Variants in MSI2 observed in about 807,000 individuals in gnomAD.
MSI2 encodes RNA-binding protein Musashi homolog 2.
In MSI2, 17 loss-of-function variants were observed where a neutral mutation model predicts 45.6. The observed-to-expected ratio is 0.37, with a 90% CI of 0.26 to 0.56. The LOEUF (loss-of-function observed/expected upper bound fraction) is 0.56, where lower values mean the gene tolerates loss of function less well. MSI2 is among the 20% of genes least tolerant of loss of function. MSI2 has a pLI of 0.77. For synonymous variants in MSI2, 156 were observed against 158.2 expected (o/e 0.99, Z 0.11); for missense variants, 293 against 444.2 (o/e 0.66, Z 3.06).
intron 12 of MSI2, among the ~76,000 whole-genome samples, chr17:57,675,973 G>A (rs1913201760): frequency 1.3e-5 from 2 of 151,696 alleles, no homozygotes; most frequent in Non-Finnish European, 2.9e-5. Context: ...TTCCATTTTG[G>A]AAACAGAAAA....
chr17:57,514,637 G>A (rs1302302934), intron 6 of MSI2, among the ~76,000 whole-genome samples: 5 of 147,656 alleles, frequency 3.4e-5, no homozygotes, highest in Non-Finnish European at 7.4e-5. Context: ...TCTTGAAGCA[G>A]CTTGAATTGA....
chr17:57,612,409 G>A (rs115793023), intron 8 of MSI2, among the ~76,000 whole-genome samples: 1,340 of 94,978 alleles, frequency 0.014, 410 homozygotes, highest in African/African-American at 0.043. Context: ...CAGGCTTCCT[G>A]GTCCTGAGAA....
At chr17:57,264,974 C>G (rs868192714) in intron 5 of MSI2, 1 of 152,224 alleles carries the variant, frequency 6.6e-6, no homozygotes, top group Non-Finnish European at 1.5e-5. Context: ...TTTGATCTGA[C>G]CCCTCAGGCC....
chr17:57,654,159 G>T (rs978925374), intron 11 of MSI2, among the ~76,000 whole-genome samples: 1 of 152,208 alleles, frequency 6.6e-6, no homozygotes, highest in Admixed American at 6.5e-5. Context: ...AGGGTGCAGG[G>T]TCAGCCTGGA....
intron 6 of MSI2, among the ~76,000 whole-genome samples, chr17:57,447,597 G>T (rs1297122842): frequency 6.6e-6 from 1 of 151,752 alleles, no homozygotes; most frequent in East Asian, 1.9e-4. Flanking sequence ...GGTGGGGGGG[G>T]TGTCTCAGGT....
At chr17:57,622,435 A>T (rs1232486777) in intron 9 of MSI2, among the ~76,000 whole-genome samples, 1 of 152,248 alleles carries the variant, frequency 6.6e-6, no homozygotes, top group Non-Finnish European at 1.5e-5. Context: ...CGTTGGGCAC[A>T]TGCTGTTTAT....
chr17:57,386,380 G>A (rs2144053504), intron 5 of MSI2, among the ~76,000 whole-genome samples: 1 of 152,190 alleles, frequency 6.6e-6, no homozygotes, highest in East Asian at 1.9e-4. Context: ...GGGATTACCT[G>A]AGGGGAAAGA....
intron 5 of MSI2, chr17:57,264,090 AAG>A (rs1907559759): frequency 6.6e-6 from 1 of 152,174 alleles, no homozygotes; most frequent in South Asian, 2.1e-4. Context: ...TGTAGAGTAA[AAG>A]AGCATGGTCT....
intron 6 of MSI2, among the ~76,000 whole-genome samples, chr17:57,504,984 TCAAAG>T (rs1225473438): frequency 6.7e-6 from 1 of 148,960 alleles, no homozygotes; most frequent in African/African-American, 2.5e-5. Context: ...GGGGGTCCCA[TCAAAG>T]GAAGAAATAA....
At chr17:57,353,986 G>A (rs1189477063) in intron 5 of MSI2, among the ~76,000 whole-genome samples, 3 of 152,038 alleles carry the variant, frequency 2.0e-5, no homozygotes, top group East Asian at 3.9e-4. Context: ...AAACATTTAC[G>A]GAGAATTTTT....
At chr17:57,578,944 T>C (rs569234987) in intron 7 of MSI2, among the ~76,000 whole-genome samples, 181 of 152,278 alleles carry the variant, frequency 1.2e-3, no homozygotes, top group African/African-American at 4.0e-3. Flanking sequence ...GGAGTGTGTC[T>C]CGGAAACTTG....
intron 10 of MSI2, among the ~76,000 whole-genome samples, chr17:57,650,682 C>T (rs1198257870): frequency 2.0e-5 from 3 of 152,224 alleles, no homozygotes; most frequent in African/African-American, 7.2e-5. Context: ...AAGTATGTCT[C>T]TTTTCATTGA....
At chr17:57,548,098 C>T (rs971315302) in intron 7 of MSI2, among the ~76,000 whole-genome samples, 3 of 152,172 alleles carry the variant, frequency 2.0e-5, no homozygotes, top group Non-Finnish European at 2.9e-5. Context: ...TAGTACGCAT[C>T]GTGGCATCCT....
intron 13 of MSI2, among the ~76,000 whole-genome samples, chr17:57,677,599 T>C (rs910862567): frequency 6.6e-6 from 1 of 152,206 alleles, no homozygotes; most frequent in Non-Finnish European, 1.5e-5. Context: ...CTCCATCTTT[T>C]AGTGAAAAGA....
intron 10 of MSI2, among the ~76,000 whole-genome samples, chr17:57,641,398 G>T (rs1040132408): frequency 6.6e-6 from 1 of 152,100 alleles, no homozygotes; most frequent in African/African-American, 2.4e-5. Flanking sequence ...AAAAGCCCAC[G>T]TGACATGAAG....
chr17:57,550,611 G>A (rs1434864988), intron 7 of MSI2, among the ~76,000 whole-genome samples: 4 of 152,132 alleles, frequency 2.6e-5, no homozygotes. Flanking sequence ...GACAGAATCA[G>A]AAGTGAAGCA....
At chr17:57,418,733 G>A (rs1007322502) in intron 6 of MSI2, among the ~76,000 whole-genome samples, 1 of 152,158 alleles carries the variant, frequency 6.6e-6, no homozygotes, top group Admixed American at 6.5e-5. Flanking sequence ...AGCTTTATGC[G>A]ACGGGTCCTT....
intron 7 of MSI2, among the ~76,000 whole-genome samples, chr17:57,562,257 T>G (rs992528819): frequency 1.3e-5 from 2 of 152,210 alleles, no homozygotes; most frequent in Non-Finnish European, 2.9e-5. Flanking sequence ...CTGTGGCATC[T>G]CAAGATGTTC....
intron 6 of MSI2, among the ~76,000 whole-genome samples, chr17:57,507,084 C>T (rs1347526030): frequency 1.3e-5 from 2 of 151,860 alleles, no homozygotes; most frequent in Non-Finnish European, 2.9e-5. Context: ...TATAAAAAAC[C>T]CTTTCTTATT....
Sources: allele counts gnomAD v4.1 joint callset (sites outside exome capture counted in the v4.1 genomes callset), GRCh38; gene constraint gnomAD v4.1.1; transcripts MANE v1.5; gene names NCBI Gene and HGNC (gene_info 2026-07-23, HGNC 2026-07-21).